Variants in TRIM14 observed in about 807,000 individuals in gnomAD.
The protein encoded by TRIM14 is tripartite motif containing 14.
Under a neutral mutation model 44.5 loss-of-function variants are expected in TRIM14, and 28 were observed. That is an observed-to-expected ratio of 0.63 (90% CI 0.47 to 0.86). The LOEUF (loss-of-function observed/expected upper bound fraction) is 0.86. Ranked by LOEUF, TRIM14 falls within the 40% of genes least tolerant of loss-of-function variation. The pLI, the probability that TRIM14 is intolerant of heterozygous loss-of-function variation, is 0.00. For missense variants in TRIM14, 607 were observed against 611.1 expected (o/e 0.99, Z 0.07); for synonymous variants, 299 against 269.2 (o/e 1.11, Z -1.08).
At chr9:98,060,392 G>A in the TRIM14 span, among the ~76,000 whole-genome samples, 9 of 152,186 alleles carry the variant, frequency 5.9e-5, no homozygotes, top group Non-Finnish European at 8.8e-5. Flanking sequence ...ATGTCGGCTG[G>A]GCGCAGTGAC....
At chr9:98,042,868 C>CAA in the TRIM14 span, among the ~76,000 whole-genome samples, 64 of 112,438 alleles carry the variant, frequency 5.7e-4, no homozygotes, top group African/African-American at 1.6e-3. Context: ...GACTCTACCT[C>CAA]AAAAAAAAAA....
chr9:98,050,362 T>C, the TRIM14 span, among the ~76,000 whole-genome samples: 2 of 152,188 alleles, frequency 1.3e-5, no homozygotes, highest in Non-Finnish European at 2.9e-5. Flanking sequence ...ATATACTTAT[T>C]TGGTCTTGAA....
At chr9:98,073,930 G>A (rs776715899) in intron 6 of TRIM14, among the ~76,000 whole-genome samples, 11 of 152,026 alleles carry the variant, frequency 7.2e-5, no homozygotes, top group Non-Finnish European at 1.5e-4. Flanking sequence ...GGGACTGCAG[G>A]CACACACCAC....
intron 2 of TRIM14, among the ~76,000 whole-genome samples, chr9:98,102,446 C>G (rs1359369964): frequency 6.6e-6 from 1 of 152,144 alleles, no homozygotes; most frequent in East Asian, 1.9e-4. Context: ...ATATGTATAT[C>G]GGTTCATTAT....
At chr9:98,088,093 CA>C (rs1587942949) in intron 5 of TRIM14, 88 bp from the exon 6 acceptor site, 1 of 1,340,282 alleles carries the variant, frequency 7.5e-7, no homozygotes, top group East Asian at 3.1e-5. Flanking sequence ...ACGTGCAAAT[CA>C]CAAAATGCGA....
chr9:98,052,674 A>T, the TRIM14 span, among the ~76,000 whole-genome samples: 8 of 152,056 alleles, frequency 5.3e-5, no homozygotes, highest in East Asian at 1.4e-3. Context: ...CGCCTGCCTA[A>T]TTTTATATTT....
intron 2 of TRIM14, among the ~76,000 whole-genome samples, chr9:98,101,800 G>A (rs1288030764): frequency 6.6e-6 from 1 of 152,054 alleles, no homozygotes; most frequent in Admixed American, 6.6e-5. Flanking sequence ...TTTCACATGT[G>A]CATGAAGATT....
chr9:98,065,696 G>A (rs903387751), downstream of TRIM14, among the ~76,000 whole-genome samples: 10 of 150,578 alleles, frequency 6.6e-5, no homozygotes, highest in African/African-American at 1.7e-4. Flanking sequence ...TGTCTCCACC[G>A]AAATCTCAAC....
chr9:98,044,315 C>T, the TRIM14 span, among the ~76,000 whole-genome samples: 4 of 151,536 alleles, frequency 2.6e-5, no homozygotes, highest in African/African-American at 9.7e-5. Flanking sequence ...TCCCATGTGG[C>T]CCCCGGTCAC....
rs1448467946 is a variant in TRIM14 at position 98,087,746 on chromosome 9, G to A, written c.1053C>T (p.Ala351=). Residue 351 remains alanine, a synonymous_variant, in exon 6 of 6, where the codon GCC becomes GCT. Coordinates refer to ENST00000341469, the MANE Select transcript of TRIM14 (RefSeq NM_014788.4). ...YASLRRRGAS[A]AARLGCNRQS... is the part of the protein sequence containing the mutation. The stretch of plus-strand genomic sequence containing the variant: ...GGCGGTTGCAGCCCAGGCGGGCGGC[G>A]GCCGAGGCCCCGCGGCGCCGAAGGG... The A allele has an allele frequency of 6.4e-7, 1 of 1,558,622 alleles. No individual in the cohort carries two copies. The highest frequency in any genetic ancestry group is 8.6e-7 in the Non-Finnish European group (1 of 1,161,998).
the TRIM14 span, among the ~76,000 whole-genome samples, chr9:98,056,448 C>G: frequency 6.7e-6 from 1 of 148,570 alleles, no homozygotes; most frequent in African/African-American, 2.6e-5. Flanking sequence ...CTATGCCCTG[C>G]GCAGGCAGCC....
At position 98,119,027 on chromosome 9, in the gene TRIM14, A is replaced by G; in HGVS notation, c.162T>C (p.Arg54=). 6.4e-7 allele frequency: 1 copy of G among 1,571,922 alleles called. No homozygotes were observed. Among genetic ancestry groups the G allele is most frequent in the Non-Finnish European group, 8.6e-7 (1 of 1,168,296 alleles). The change falls in exon 1 of 6, where the codon CGT becomes CGC. Residue 54 remains arginine (R), a synonymous_variant. Coordinates refer to ENST00000341469, the MANE Select transcript of TRIM14 (RefSeq NM_014788.4). ...CALCPVLGAH[R]GHPVGLALEA... ...CCAGCGCCAGGCCCACAGGGTGGCC[A>G]CGGTGCGCGCCCAGCACCGGGCAAA... is the stretch of plus-strand genomic sequence containing the variant.
At chr9:98,066,391 G>T (rs766306447), downstream of TRIM14, among the ~76,000 whole-genome samples, 10 of 152,152 alleles carry the variant, frequency 6.6e-5, no homozygotes, top group Non-Finnish European at 1.3e-4. Flanking sequence ...TAGGTGATGT[G>T]TGATGACATC....
Position 98,119,054 on chromosome 9 carries a change from C to T in TRIM14, c.135G>A (p.Ala45=). 1 of 1,580,344 alleles carries T rather than the reference C, an allele frequency of 6.3e-7. No homozygotes were observed. The highest frequency in any genetic ancestry group is 1.1e-5 in the South Asian group (1 of 88,886). ...GGTGCGCGCCCAGCACCGGGCAAAG[C>T]GCGCACACGCAGCGGCGGCAGCGGC... The part of the protein sequence containing the change: ...FCRRCRRCVC[A]LCPVLGAHRG... Residue 45 remains alanine, a synonymous_variant, in exon 1 of 6, where the codon GCG becomes GCA. Transcript: ENST00000341469.
the TRIM14 span, among the ~76,000 whole-genome samples, chr9:98,036,991 G>C: frequency 6.6e-6 from 1 of 152,086 alleles, no homozygotes; most frequent in Non-Finnish European, 1.5e-5. Context: ...TTCAGTGCTG[G>C]GAAGGTACTC....
chr9:98,092,547 G>A (rs897963801), intron 4 of TRIM14: 18 of 375,614 alleles, frequency 4.8e-5, no homozygotes, highest in Non-Finnish European at 7.7e-5. Flanking sequence ...TCATCACAGG[G>A]GCCTGTAGAG....
chr9:98,087,694 G>C lies in TRIM14; in HGVS notation c.1105C>G (p.Leu369Val). Residue 369 changes from leucine (L) to valine (V), a missense_variant, in exon 6 of 6, where the codon CTT (leucine) becomes GTT (valine). Physicochemically the swap from Leu to Val is conservative, Grantham distance 32. This residue lies in a region of TRIM14 where 356 missense variants were observed against 323.0 expected (regional missense o/e 1.10). Coordinates refer to ENST00000341469, the MANE Select transcript of TRIM14 (RefSeq NM_014788.4). ...CCGTCGTGGAAGGCCCAGTACTCAAGGTCGTAGCGCTTGAGGCACCAGGAC... is the reference window on the plus strand; with the variant it reads ...CCGTCGTGGAAGGCCCAGTACTCAACGTCGTAGCGCTTGAGGCACCAGGAC... Reference protein sequence around the residue: ...RQSWCLKRYDLEYWAFHDGQR... With the variant: ...RQSWCLKRYDVEYWAFHDGQR... 1 of 1,600,138 alleles carries C rather than the reference G, an allele frequency of 6.2e-7. No individual in the cohort carries two copies. Among genetic ancestry groups the C allele is most frequent in the Non-Finnish European group, 8.5e-7 (1 of 1,178,492 alleles).
chr9:98,083,177 C>A, downstream of TRIM14: 1 of 866,958 alleles, frequency 1.2e-6, no homozygotes, highest in South Asian at 1.7e-5. Flanking sequence ...TCCACCTGCT[C>A]CTTAGACAGC....
intron 3 of TRIM14, among the ~76,000 whole-genome samples, chr9:98,097,708 G>A (rs1457181461): frequency 6.6e-6 from 1 of 152,070 alleles, no homozygotes; most frequent in Non-Finnish European, 1.5e-5. Context: ...AGGTGGGAAC[G>A]GTGAATGATT....
Sources: gnomAD v4.1 joint callset for allele counts (sites outside exome capture counted in the v4.1 genomes callset) on GRCh38, gnomAD v4.1.1 for gene constraint, gnomAD v4.1.1 regional missense constraint, MANE v1.5 for transcripts, NCBI Gene and HGNC (gene_info 2026-07-23, HGNC 2026-07-21) for gene names.